The following MUC5AC variants were observed in gnomAD, a reference collection of about 807,000 sequenced individuals.
MUC5AC encodes mucin 5AC, oligomeric mucus/gel-forming.
In MUC5AC, 158 loss-of-function variants were observed where a neutral mutation model predicts 169.7. That is an observed-to-expected ratio of 0.93 (90% confidence interval 0.82 to 1.06). The LOEUF (loss-of-function observed/expected upper bound fraction) is 1.06, where lower values mean the gene tolerates loss of function less well. Ranked by LOEUF, MUC5AC falls within the 50% of genes least tolerant of loss-of-function variation. The pLI is 0.00. For synonymous variants in MUC5AC, 1,975 were observed against 1,237.0 expected (o/e 1.60, Z -12.52); for missense variants, 4,359 against 3,089.9 (o/e 1.41, Z -9.74).
At chr11:1,193,448 G>A (rs1861175383) in intron 32 of MUC5AC, 37 bp from the exon 33 acceptor site, 1 of 689,130 alleles carries the variant, frequency 1.5e-6, no homozygotes, top group Non-Finnish European at 2.7e-6. Flanking sequence ...CGGAGATCGG[G>A]AGAGGCCGGA....
At chr11:1,161,470 G>C in intron 2 of MUC5AC, 57 bp from the exon 3 acceptor site, 1 of 1,418,562 alleles carries the variant, frequency 7.0e-7, no homozygotes, top group Non-Finnish European at 9.4e-7. Context: ...CTCTGGCTGC[G>C]GAGCCCCCGC....
chr11:1,161,228 C>A (rs1437669274), intron 2 of MUC5AC, among the ~76,000 whole-genome samples: 1 of 152,190 alleles, frequency 6.6e-6, no homozygotes, highest in Non-Finnish European at 1.5e-5. Flanking sequence ...TGTCTTGAGC[C>A]GCTGATGCAG....
rs1860932751 is a variant in MUC5AC at position 1,185,948 on chromosome 11, C to T, written c.7803C>T (p.Thr2601=). 3 of 739,664 alleles carry T rather than the reference C, an allele frequency of 4.1e-6. No homozygotes were observed. The highest frequency in any genetic ancestry group is 3.5e-5 in the African/African-American group (2 of 57,736). The allele number at this position is 739,664 out of a possible 1,614,324, so 45.8% of individuals were successfully genotyped here. A position where few individuals can be genotyped will look rare whatever the true frequency, so the allele number is the denominator to read the frequency against. The change falls in exon 31 of 49, where the codon ACC becomes ACT. Residue 2601 remains threonine, a synonymous_variant. Coordinates refer to ENST00000621226, the MANE Select transcript of MUC5AC (RefSeq NM_001304359.2). ...GAACTACTCCCAGTGCTGTTCCCACCACCAGCATAACCTCTGCACCTACAA... is the reference window on the plus strand; with the variant it reads ...GAACTACTCCCAGTGCTGTTCCCACTACCAGCATAACCTCTGCACCTACAA... The part of the protein sequence containing the change: ...GPGTTPSAVP[T]TSITSAPTTS...
At chr11:1,158,993 C>A (rs1046611303) in intron 1 of MUC5AC, among the ~76,000 whole-genome samples, 3 of 152,252 alleles carry the variant, frequency 2.0e-5, no homozygotes, top group African/African-American at 7.2e-5. Flanking sequence ...AGCAGGAATT[C>A]TGTCCCGGGG....
rs766964783 is a variant in MUC5AC, at chr11:1,196,957, G to A, written c.15861+49G>A. On this transcript the variant is annotated intron_variant, in intron 40 of 48. Coordinates refer to ENST00000621226, the MANE Select transcript of MUC5AC (RefSeq NM_001304359.2). ...AGGGCACTGGGGTCCAAGAGCCCGA[G>A]GAGGGAGGCTCTTGAAACACCGGCC... 9 of 745,586 alleles carry A rather than the reference G, an allele frequency of 1.2e-5. No homozygotes were observed. In the Admixed American group the frequency reaches 1.4e-4, roughly 12 times the overall value. 46.2% of individuals were successfully genotyped at this position (745,586 alleles called of 1,614,324 possible). A position where few individuals can be genotyped will look rare whatever the true frequency, so the allele number is the denominator to read the frequency against.
At chr11:1,198,438 C>A in intron 43 of MUC5AC, 133 bp downstream of exon 43, 1 of 667,784 alleles carries the variant, frequency 1.5e-6, no homozygotes, top group Non-Finnish European at 2.8e-6. Flanking sequence ...CAGACACAGC[C>A]CACTATCAAG....
chr11:1,187,795 C>T lies in MUC5AC; in HGVS notation c.9650C>T (p.Pro3217Leu), dbSNP rs1554928351. 3.0e-5 allele frequency: 23 copies of T among 765,130 alleles called. No individual in the cohort carries two copies. The highest frequency in any genetic ancestry group is 2.3e-4 in the Middle Eastern group (1 of 4,440). 47.4% of individuals were successfully genotyped at this position (765,130 alleles called of 1,614,324 possible). A position where few individuals can be genotyped will look rare whatever the true frequency, so the allele number is the denominator to read the frequency against. Residue 3217 changes from proline to leucine, a missense_variant, in exon 31 of 49, where the codon CCA (proline) becomes CTA (leucine). Coordinates refer to ENST00000621226, the MANE Select transcript of MUC5AC (RefSeq NM_001304359.2). ...VSISKTTHSQ[P>L]VTRDCHLRCT... ...ATATCCAAGACAACCCACTCCCAAC[C>T]AGTCACCAGAGACTGTCATCTCCGG...
chr11:1,189,658 G>A lies in MUC5AC; in HGVS notation c.11513G>A (p.Ser3838Asn), dbSNP rs1480688545. ...AGCACAACCTCAGCTCCTACAACCA[G>A]CACAACTTCTGCCCCTACAACCAGC... is the stretch of plus-strand genomic sequence containing the variant. The part of the protein sequence containing the change: ...TTSTTSAPTT[S>N]TTSAPTTSTT... Residue 3838 changes from serine (S) to asparagine (N), a missense_variant, in exon 31 of 49, where the codon AGC becomes AAC. Ser to Asn is a conservative substitution (Grantham distance 46, BLOSUM62 1). Transcript: ENST00000621226. 9 of 626,904 alleles carry A rather than the reference G, an allele frequency of 1.4e-5. No individual in the cohort carries two copies. Among genetic ancestry groups the A allele is most frequent in the Admixed American group, 8.0e-5 (3 of 37,630 alleles). The allele number at this position is 626,904 out of a possible 1,614,324, so 38.8% of individuals were successfully genotyped here. A position where few individuals can be genotyped will look rare whatever the true frequency, so the allele number is the denominator to read the frequency against.
rs878949904 is a variant in MUC5AC, at chr11:1,183,604, G to A, written c.5459G>A (p.Arg1820Gln). 84,205 of 629,976 alleles carry A rather than the reference G, an allele frequency of 0.13. 7 individuals carry two copies. Among genetic ancestry groups the A allele is most frequent in the Non-Finnish European group, 0.16 (57,345 of 350,618 alleles). 39.0% of individuals were successfully genotyped at this position (629,976 alleles called of 1,614,324 possible). ...QCSREEGLVC[R>Q]NQDQQGPFKM... ...AGCCGGGAAGAGGGCCTGGTGTGCC[G>A]GAACCAGGACCAGCAGGGACCCTTC... The change falls in exon 31 of 49, where the codon CGG becomes CAG. Residue 1820 changes from arginine (R) to glutamine (Q), a missense_variant. Physicochemically the swap from Arg to Gln is conservative, Grantham distance 43. Coordinates refer to ENST00000621226, the MANE Select transcript of MUC5AC (RefSeq NM_001304359.2).
chr11:1,184,577 C>G lies in MUC5AC; in HGVS notation c.6432C>G (p.Asn2144Lys), dbSNP rs1456347548. The G allele has an allele frequency of 5.3e-5, 33 of 625,594 alleles. No homozygotes were observed. The highest frequency in any genetic ancestry group is 8.9e-5 in the Non-Finnish European group (31 of 347,978). The allele number at this position is 625,594 out of a possible 1,614,324, so 38.8% of individuals were successfully genotyped here. Residue 2144 changes from asparagine (N) to lysine (K), a missense_variant, in exon 31 of 49, where the codon AAC becomes AAG. Asn to Lys is a moderately conservative substitution (Grantham distance 94). Transcript: ENST00000621226. ...ATGGTGGAGACAAGGAAACCTACAACAACATCATCAGGAGTGGGGAAAAAA... is the reference window on the plus strand; with the variant it reads ...ATGGTGGAGACAAGGAAACCTACAAGAACATCATCAGGAGTGGGGAAAAAA... The part of the protein sequence containing the change: ...GPHGGDKETY[N>K]NIIRSGEKIC...
In MUC5AC at chr11:1,185,808, A is replaced by C. The variant is rs1860928420; in HGVS notation, c.7663A>C (p.Ser2555Arg). The C allele has an allele frequency of 1.3e-6, 1 of 747,604 alleles. No individual in the cohort carries two copies. The highest frequency in any genetic ancestry group is 1.8e-5 in the Admixed American group (1 of 56,252). 46.3% of individuals were successfully genotyped at this position (747,604 alleles called of 1,614,324 possible). Residue 2555 changes from serine to arginine, a missense_variant, in exon 31 of 49, where the codon AGC (serine) becomes CGC (arginine). By Grantham distance (110) the Ser-to-Arg change is moderately radical. Coordinates refer to ENST00000621226, the MANE Select transcript of MUC5AC (RefSeq NM_001304359.2). Reference protein sequence around the residue: ...TTSTTSAPISSTTSATTTSTT... With the variant: ...TTSTTSAPISRTTSATTTSTT... ...CAGCACAACCTCTGCCCCTATAAGCAGCACAACCTCTGCCACTACAACCAG... is the reference window on the plus strand; with the variant it reads ...CAGCACAACCTCTGCCCCTATAAGCCGCACAACCTCTGCCACTACAACCAG...
rs1490703544 is a variant in MUC5AC, at chr11:1,189,034, C to T, written c.10889C>T (p.Ser3630Phe). The T allele has an allele frequency of 2.1e-4, 142 of 664,034 alleles. No individual in the cohort carries two copies. In the African/African-American group the frequency reaches 2.5e-3, roughly 12 times the overall value. 41.1% of individuals were successfully genotyped at this position (664,034 alleles called of 1,614,324 possible). The change falls in exon 31 of 49, where the codon TCT (serine) becomes TTT (phenylalanine). Residue 3630 changes from serine to phenylalanine, a missense_variant. Transcript: ENST00000621226. ...TPKGCPVTSTSVTAPSTPSGR... is the reference protein window; with the variant it reads ...TPKGCPVTSTFVTAPSTPSGR... ...AAAGGCTGCCCCGTGACCTCCACAT[C>T]TGTGACAGCTCCTAGCACCCCTAGT...
Position 1,199,747 on chromosome 11 carries a change from C to T in MUC5AC, c.16568C>T (p.Pro5523Leu), listed in dbSNP as rs771402359. ...DGCCRFCPPP[P>L]PPYQNQSTCA... ...TGCTGCCGCTTCTGCCCGCCGCCCC[C>T]GCCCCCGTACCAGAACCGTGAGTAC... Residue 5523 changes from proline (P) to leucine (L), a missense_variant, in exon 47 of 49, where the codon CCG becomes CTG. Physicochemically the swap from Pro to Leu is moderately conservative, Grantham distance 98. Coordinates refer to ENST00000621226, the MANE Select transcript of MUC5AC (RefSeq NM_001304359.2). 25 of 712,176 alleles carry T rather than the reference C, an allele frequency of 3.5e-5. No individual in the cohort carries two copies. The highest frequency in any genetic ancestry group is 7.3e-5 in the South Asian group (5 of 68,620). 44.1% of individuals were successfully genotyped at this position (712,176 alleles called of 1,614,324 possible).
chr11:1,196,522 C>T (rs757900965), intron 38 of MUC5AC, 47 bp downstream of exon 38: 1 of 764,540 alleles, frequency 1.3e-6, no homozygotes, highest in South Asian at 1.3e-5. Flanking sequence ...TGGAGCCACC[C>T]AGTCCCCAGC....
In MUC5AC at chr11:1,158,062, C is replaced by A. The variant is rs1455609693; in HGVS notation, c.63C>A (p.Thr21=). The change falls in exon 1 of 49, where the codon ACC becomes ACA. Residue 21 remains threonine (T), a synonymous_variant. Transcript: ENST00000621226. Reference sequence around the variant, plus strand: ...CCCTGGCTCTCGCTCTGGCCTGCACCCGGCATACAGGTACGGCTTGGCCCC... The same window carrying A: ...CCCTGGCTCTCGCTCTGGCCTGCACACGGCATACAGGTACGGCTTGGCCCC... The part of the protein sequence containing the change: ...LWALALALAC[T]RHTGHAQDGS... 4 of 1,608,184 alleles carry A rather than the reference C, an allele frequency of 2.5e-6. No individual in the cohort carries two copies. Among genetic ancestry groups the A allele is most frequent in the Non-Finnish European group, 3.4e-6 (4 of 1,178,478 alleles).
chr11:1,174,441 G>T, intron 16 of MUC5AC, 55 bp from the exon 17 acceptor site: 3 of 1,121,372 alleles, frequency 2.7e-6, no homozygotes, highest in Non-Finnish European at 2.5e-6. Context: ...GGGCGTGGGG[G>T]GCCACCAGGT....
In MUC5AC at chr11:1,188,893, G is replaced by A; in HGVS notation, c.10748G>A (p.Gly3583Asp). The change falls in exon 31 of 49, where the codon GGC (glycine) becomes GAC (aspartate). Residue 3583 changes from glycine to aspartate, a missense_variant. Physicochemically the swap from Gly to Asp is moderately conservative, Grantham distance 94. Coordinates refer to ENST00000621226, the MANE Select transcript of MUC5AC (RefSeq NM_001304359.2). ...CCGGAGGTGAGCATCGAACACCTGG[G>A]CCAGGTGGTGCAGTGCAGCCGCGAA... The part of the protein sequence containing the change: ...SHPEVSIEHL[G>D]QVVQCSREEG... The A allele has an allele frequency of 1.3e-6, 1 of 763,202 alleles. No individual in the cohort carries two copies. Among genetic ancestry groups the A allele is most frequent in the South Asian group, 1.3e-5 (1 of 74,296 alleles). 47.3% of individuals were successfully genotyped at this position (763,202 alleles called of 1,614,324 possible). A position where few individuals can be genotyped will look rare whatever the true frequency, so the allele number is the denominator to read the frequency against.
At chr11:1,193,094 T>A (rs1211109246) in intron 32 of MUC5AC, 112 bp downstream of exon 32, 1 of 596,854 alleles carries the variant, frequency 1.7e-6, no homozygotes, top group Non-Finnish European at 3.0e-6. Context: ...CTGGCGCTAG[T>A]GGAGGCAGCC....
chr11:1,199,744 C>G lies in MUC5AC; in HGVS notation c.16565C>G (p.Pro5522Arg), dbSNP rs1861375724. The change falls in exon 47 of 49, where the codon CCC becomes CGC. Residue 5522 changes from proline to arginine, a missense_variant. Transcript: ENST00000621226. ...GGCTGCTGCCGCTTCTGCCCGCCGCCCCCGCCCCCGTACCAGAACCGTGAG... is the reference window on the plus strand; with the variant it reads ...GGCTGCTGCCGCTTCTGCCCGCCGCGCCCGCCCCCGTACCAGAACCGTGAG... ...KDGCCRFCPP[P>R]PPPYQNQSTC... is the part of the protein sequence containing the mutation. 1 of 711,918 alleles carries G rather than the reference C, an allele frequency of 1.4e-6. No homozygotes were observed. The highest frequency in any genetic ancestry group is 2.6e-6 in the Non-Finnish European group (1 of 390,490). 44.1% of individuals were successfully genotyped at this position (711,918 alleles called of 1,614,324 possible).
Sources: allele counts gnomAD v4.1 joint callset (sites outside exome capture counted in the v4.1 genomes callset), GRCh38; gene constraint gnomAD v4.1.1; transcripts MANE v1.5; gene names NCBI Gene and HGNC (gene_info 2026-07-23, HGNC 2026-07-21).